Variants in CLYBL observed in about 807,000 individuals in gnomAD.
CLYBL encodes citramalyl-CoA lyase, mitochondrial.
A neutral mutation model predicts 38.9 loss-of-function variants in CLYBL; 31 were observed. The observed-to-expected ratio is 0.80, with a 90% CI of 0.60 to 1.08. The LOEUF (loss-of-function observed/expected upper bound fraction) is 1.08, where lower values mean the gene tolerates loss of function less well. CLYBL is among the 50% of genes least tolerant of loss of function. The probability of loss-of-function intolerance (pLI) is 0.00; values close to 1 mark genes in which losing one functional copy is unlikely to be tolerated. For synonymous variants in CLYBL, 171 were observed against 158.6 expected (o/e 1.08, Z -0.59); for missense variants, 434 against 411.6 (o/e 1.05, Z -0.47).
At chr13:99,885,793 C>CA (rs2052335237) in intron 7 of CLYBL, among the ~76,000 whole-genome samples, 1 of 152,160 alleles carries the variant, frequency 6.6e-6, no homozygotes, top group Admixed American at 6.5e-5. Flanking sequence ...AAGAATGAAA[C>CA]AGTGCCCATG....
chr13:99,721,210 A>G (rs1303928976), intron 1 of CLYBL, among the ~76,000 whole-genome samples: 1 of 151,126 alleles, frequency 6.6e-6, no homozygotes, highest in Non-Finnish European at 1.5e-5. Context: ...CGCCTGGCTA[A>G]TTTTCTGTAT....
At chr13:99,857,199 T>C (rs887790069) in intron 2 of CLYBL, among the ~76,000 whole-genome samples, 5 of 151,702 alleles carry the variant, frequency 3.3e-5, no homozygotes, top group Non-Finnish European at 7.4e-5. Flanking sequence ...CCTGTAGTCC[T>C]AGCTACTCAG....
At chr13:99,628,855 G>C (rs2046904712) in intron 1 of CLYBL, among the ~76,000 whole-genome samples, 1 of 152,186 alleles carries the variant, frequency 6.6e-6, no homozygotes. Flanking sequence ...GTTATTTTCT[G>C]TTTCTGCCTT....
chr13:99,608,065 T>C (rs1224000618), intron 1 of CLYBL, among the ~76,000 whole-genome samples: 7 of 111,842 alleles, frequency 6.3e-5, no homozygotes, highest in Non-Finnish European at 1.3e-4. Context: ...GAACTTCTTT[T>C]TTTTTTTTTT....
rs4001024 is a variant in CLYBL, at chr13:99,716,169, ATTTTTTTTTTTTTTTTTTTTT to A, written c.63-56637_63-56617del. Among the ~76,000 whole-genome samples the A allele has an allele frequency of 3.9e-4, 13 of 33,464 alleles. 1 individual carries two copies. In the South Asian group the frequency reaches 4.0e-3, roughly 10 times the overall value. 22.0% of individuals were successfully genotyped at this position (33,464 alleles called of 152,430 possible). A position where few individuals can be genotyped will look rare whatever the true frequency, so the allele number is the denominator to read the frequency against. On this transcript the variant is annotated intron_variant, in intron 1 of 8. Transcript: ENST00000339105. Reference sequence around the variant, plus strand: ...AAATTGTCCTTGCTTTATTGGTGTAATTTTTTTTTTTTTTTTTTTTTTTTTTTTTTTTTTTTTTAGAGACAA... The same window carrying A: ...AAATTGTCCTTGCTTTATTGGTGTAATTTTTTTTTTTTTTTTTAGAGACAA...
intron 1 of CLYBL, chr13:99,726,103 A>G (rs1164650358): frequency 6.6e-6 from 1 of 152,200 alleles, no homozygotes. Flanking sequence ...TTTTATGATA[A>G]TTACTGCTAT....
At chr13:99,681,008 G>T (rs778878960) in intron 1 of CLYBL, among the ~76,000 whole-genome samples, 13 of 152,136 alleles carry the variant, frequency 8.5e-5, no homozygotes, top group Non-Finnish European at 1.8e-4. Context: ...TTTTTCCTTT[G>T]TGATTATTTT....
intron 1 of CLYBL, among the ~76,000 whole-genome samples, chr13:99,762,376 T>G (rs761142423): frequency 5.3e-5 from 8 of 152,230 alleles, no homozygotes; most frequent in Non-Finnish European, 7.3e-5. Flanking sequence ...GTTTCATTCT[T>G]CTGAATGTAT....
At chr13:99,711,510 G>A (rs1278516922) in intron 1 of CLYBL, among the ~76,000 whole-genome samples, 7 of 148,224 alleles carry the variant, frequency 4.7e-5, no homozygotes, top group African/African-American at 1.2e-4. Flanking sequence ...GGGTTCAAGC[G>A]ATTCTCCTGC....
At chr13:99,733,786 A>G (rs1449458296) in intron 1 of CLYBL, among the ~76,000 whole-genome samples, 1 of 152,216 alleles carries the variant, frequency 6.6e-6, no homozygotes, top group African/African-American at 2.4e-5. Flanking sequence ...TTCACCTAGA[A>G]TATCTGTCCA....
Position 99,662,279 on chromosome 13 carries a change from A to G in CLYBL, c.62+55522A>G, listed in dbSNP as rs149974771. Among the ~76,000 whole-genome samples the G allele has an allele frequency of 1.8e-4, 27 of 152,346 alleles. No individual in the cohort carries two copies. In the East Asian group the frequency reaches 5.2e-3, roughly 29 times the overall value. On this transcript the variant is annotated intron_variant, in intron 1 of 8. Transcript: ENST00000339105. ...ATTTTGAGTAACTTGAGTAGATGTT[A>G]ACACTCAGAATTATTTTTTAAAAAT...
At chr13:99,844,828 G>A (rs907321503) in intron 2 of CLYBL, among the ~76,000 whole-genome samples, 3 of 152,208 alleles carry the variant, frequency 2.0e-5, no homozygotes, top group Non-Finnish European at 4.4e-5. Flanking sequence ...TAGCGCGTGG[G>A]CATTCAAAGT....
intron 1 of CLYBL, among the ~76,000 whole-genome samples, chr13:99,731,842 AC>A (rs2048596925): frequency 6.6e-6 from 1 of 152,118 alleles, no homozygotes; most frequent in Admixed American, 6.5e-5. Context: ...CATACTCCAC[AC>A]CAGAATGGTT....
chr13:99,750,312 C>T (rs1248240176), intron 1 of CLYBL, among the ~76,000 whole-genome samples: 3 of 152,158 alleles, frequency 2.0e-5, no homozygotes, highest in Admixed American at 6.6e-5. Context: ...TTATTTTCAA[C>T]CTTTATCAGC....
chr13:99,656,497 A>G (rs772628197), intron 1 of CLYBL, among the ~76,000 whole-genome samples: 13 of 152,142 alleles, frequency 8.5e-5, no homozygotes, highest in Non-Finnish European at 1.8e-4. Context: ...ACATTTAGTG[A>G]CCTTAAAAAC....
rs541131121 is a variant in CLYBL at position 99,677,334 on chromosome 13, GA to G, written c.62+70588del. Among the ~76,000 whole-genome samples, 634 of 143,382 alleles carry G rather than the reference GA, an allele frequency of 4.4e-3. 5 individuals are homozygous for G. Among genetic ancestry groups the G allele is most frequent in the East Asian group, 0.017 (87 of 5,010 alleles). 94.1% of individuals were successfully genotyped at this position (143,382 alleles called of 152,430 possible). A position where few individuals can be genotyped will look rare whatever the true frequency, so the allele number is the denominator to read the frequency against. On this transcript the variant is annotated intron_variant, in intron 1 of 8. Transcript: ENST00000339105. ...GCCAAATACATTGACTTTGAGAGAG[GA>G]AAAAAAAAAAGCTTGTAATTGCCGA...
At chr13:99,855,243 T>G (rs1328792514) in intron 2 of CLYBL, among the ~76,000 whole-genome samples, 1 of 152,194 alleles carries the variant, frequency 6.6e-6, no homozygotes, top group Non-Finnish European at 1.5e-5. Context: ...ATGCAGTCCC[T>G]CTCAAACCTC....
At chr13:99,799,002 C>A (rs182859069) in intron 2 of CLYBL, among the ~76,000 whole-genome samples, 60 of 152,254 alleles carry the variant, frequency 3.9e-4, no homozygotes, top group Admixed American at 2.9e-3. Flanking sequence ...CAAAGAAAAT[C>A]ATCAAATTGT....
At chr13:99,607,153 G>T (rs1012151850) in intron 1 of CLYBL, among the ~76,000 whole-genome samples, 5 of 152,106 alleles carry the variant, frequency 3.3e-5, no homozygotes, top group Non-Finnish European at 7.4e-5. Context: ...CCGTTTACAC[G>T]TCTAAAAATA....
Sources: gnomAD v4.1 joint callset for allele counts (sites outside exome capture counted in the v4.1 genomes callset) on GRCh38, gnomAD v4.1.1 for gene constraint, MANE v1.5 for transcripts, NCBI Gene and HGNC (gene_info 2026-07-23, HGNC 2026-07-21) for gene names.